The following TSPEAR variants were observed in gnomAD, a reference collection of about 807,000 sequenced individuals.
The protein encoded by TSPEAR is thrombospondin-type laminin G domain and EAR repeat-containing protein.
A neutral mutation model predicts 71.6 loss-of-function variants in TSPEAR; 69 were observed. The ratio of observed to expected loss-of-function variants is 0.96; its 90% CI spans 0.79 to 1.18. The LOEUF is 1.18. Among genes scored for constraint, TSPEAR ranks in the 50% most tolerant of loss-of-function variants. The probability of loss-of-function intolerance (pLI) is 0.00; values close to 1 mark genes in which losing one functional copy is unlikely to be tolerated. For missense variants in TSPEAR, 971 were observed against 894.9 expected (o/e 1.09, Z -1.09); for synonymous variants, 402 against 387.2 (o/e 1.04, Z -0.45).
At chr21:44,624,809 TAAATGC>T (rs587714042) in intron 1 of TSPEAR, among the ~76,000 whole-genome samples, 2 of 152,306 alleles carry the variant, frequency 1.3e-5, no homozygotes, top group East Asian at 3.9e-4. Context: ...TGTGAATCAG[TAAATGC>T]CTCAATAAGA....
intron 1 of TSPEAR, among the ~76,000 whole-genome samples, chr21:44,571,228 G>A (rs1054255640): frequency 1.6e-4 from 25 of 152,168 alleles, no homozygotes; most frequent in Non-Finnish European, 2.9e-4. Context: ...AGGACAATAC[G>A]TTGTAGAGAT....
chr21:44,591,119 A>C, intron 1 of TSPEAR: 1 of 584,608 alleles, frequency 1.7e-6, no homozygotes, highest in Admixed American at 3.0e-5. Flanking sequence ...TGTGAGACAG[A>C]GGCGGCTTTA....
intron 2 of TSPEAR, chr21:44,557,905 A>C: frequency 1.0e-6 from 1 of 960,290 alleles, no homozygotes. Flanking sequence ...GCATGCCTGG[A>C]GGGAATCGGC....
At chr21:44,699,961 T>C (rs1353174588) in intron 1 of TSPEAR, among the ~76,000 whole-genome samples, 1 of 152,122 alleles carries the variant, frequency 6.6e-6, no homozygotes, top group Non-Finnish European at 1.5e-5. Flanking sequence ...CCAGATATCT[T>C]TGGGGTCTGC....
At chr21:44,616,493 C>G (rs1982104727) in intron 1 of TSPEAR, among the ~76,000 whole-genome samples, 1 of 151,348 alleles carries the variant, frequency 6.6e-6, no homozygotes, top group Admixed American at 6.6e-5. Flanking sequence ...CCCTGGTTCC[C>G]CAGTCCCTCA....
intron 1 of TSPEAR, chr21:44,601,206 C>T (rs1354675714): frequency 6.2e-7 from 1 of 1,602,362 alleles, no homozygotes; most frequent in Non-Finnish European, 8.5e-7. Flanking sequence ...AGCCCAGCCC[C>T]TGCCAATCAG....
At chr21:44,702,312 G>C (rs571661403) in intron 1 of TSPEAR, 3 of 1,609,674 alleles carry the variant, frequency 1.9e-6, no homozygotes, top group African/African-American at 2.7e-5. Flanking sequence ...GCTGTGCCCC[G>C]GCCCCCTGCC....
At chr21:44,649,924 C>T (rs937235650) in intron 1 of TSPEAR, among the ~76,000 whole-genome samples, 6 of 152,132 alleles carry the variant, frequency 3.9e-5, no homozygotes, top group African/African-American at 1.4e-4. Context: ...ACAGTGTCCC[C>T]TTAAAAAAAG....
intron 2 of TSPEAR, among the ~76,000 whole-genome samples, chr21:44,537,339 G>A (rs1252616275): frequency 6.6e-6 from 1 of 152,198 alleles, no homozygotes; most frequent in African/African-American, 2.4e-5. Flanking sequence ...AATTAATTGA[G>A]AACAAGCTAG....
intron 9 of TSPEAR, among the ~76,000 whole-genome samples, chr21:44,521,010 G>A (rs1555914180): frequency 6.6e-6 from 1 of 152,212 alleles, no homozygotes; most frequent in Non-Finnish European, 1.5e-5. Context: ...AGTGGCCTGG[G>A]TTAGTCTCAC....
rs1385953063 is a variant in TSPEAR, at chr21:44,687,571, A to C, written c.82+23862T>G. 6.6e-6 allele frequency among the ~76,000 whole-genome samples: 1 copy of C among 152,180 alleles called. No homozygotes were observed. The highest frequency in any genetic ancestry group is 1.5e-5 in the Non-Finnish European group (1 of 68,028). On this transcript the variant is annotated intron_variant, in intron 1 of 11. Coordinates refer to ENST00000323084, the MANE Select transcript of TSPEAR (RefSeq NM_144991.3). This position sits in a 1 kb window ranked among gnomAD's most constrained non-coding sequence, Gnocchi z 4.4. ...TGACTCCATCTGAATGAGTTCTAAA[A>C]CAAGGAGAACCAATTCATGCTTTAA...
At chr21:44,568,937 C>A (rs375292859) in intron 1 of TSPEAR, among the ~76,000 whole-genome samples, 2 of 152,144 alleles carry the variant, frequency 1.3e-5, no homozygotes, top group African/African-American at 2.4e-5. Context: ...CCATCCTGGC[C>A]GGCATTGTGT....
At chr21:44,516,979 C>T (rs1260063877) in intron 9 of TSPEAR, among the ~76,000 whole-genome samples, 4 of 152,304 alleles carry the variant, frequency 2.6e-5, no homozygotes, top group East Asian at 1.9e-4. Flanking sequence ...CTGGGGCTTT[C>T]GGTCCTGTCC....
chr21:44,628,219 C>G lies in TSPEAR; in HGVS notation c.83-60214G>C, dbSNP rs587666529. On this transcript the variant is annotated intron_variant, in intron 1 of 11. Coordinates refer to ENST00000323084, the MANE Select transcript of TSPEAR (RefSeq NM_144991.3). Reference sequence around the variant, plus strand: ...TCACTGGCTCCTCCCTGACCTCCCCCCCGGGCAGGCGAGCCCTGGCTTCTC... The same window carrying G: ...TCACTGGCTCCTCCCTGACCTCCCCGCCGGGCAGGCGAGCCCTGGCTTCTC... The G allele has an allele frequency of 5.0e-3, 3,771 of 761,016 alleles. 51 individuals are homozygous for G. The highest frequency in any genetic ancestry group is 0.026 in the African/African-American group (1,421 of 54,658). 47.1% of individuals were successfully genotyped at this position (761,016 alleles called of 1,614,324 possible).
chr21:44,614,251 G>A (rs1981921550), intron 1 of TSPEAR, among the ~76,000 whole-genome samples: 1 of 152,264 alleles, frequency 6.6e-6, no homozygotes, highest in Non-Finnish European at 1.5e-5. Flanking sequence ...CACACGGTCT[G>A]AGCTGGGGAT....
At chr21:44,675,776 A>C in intron 1 of TSPEAR, 1 of 540,866 alleles carries the variant, frequency 1.8e-6, no homozygotes, top group Non-Finnish European at 3.3e-6. Flanking sequence ...GCTCATGTCT[A>C]GACAATTCTG....
rs587677446 is a variant in TSPEAR at position 44,627,472 on chromosome 21, G to A, written c.83-59467C>T. On this transcript the variant is annotated intron_variant, in intron 1 of 11. Coordinates refer to ENST00000323084, the MANE Select transcript of TSPEAR (RefSeq NM_144991.3). ...CTCCCCCTGCCAGCAGGCCTGCTGC[G>A]TGCCCGTCTGCTGCAAGCCTGTGTG... is the stretch of plus-strand genomic sequence containing the variant. 1.8e-4 allele frequency: 281 copies of A among 1,542,574 alleles called. 2 individuals are homozygous for A. The highest frequency in any genetic ancestry group is 6.9e-4 in the Admixed American group (33 of 48,006).
chr21:44,537,183 G>A (rs587692630), intron 2 of TSPEAR, among the ~76,000 whole-genome samples: 5 of 151,940 alleles, frequency 3.3e-5, no homozygotes, highest in East Asian at 1.9e-4. Flanking sequence ...AAAATTAATC[G>A]AGAACAAGCT....
chr21:44,540,936 A>G (rs1641205267), intron 2 of TSPEAR, among the ~76,000 whole-genome samples: 2 of 152,194 alleles, frequency 1.3e-5, no homozygotes, highest in African/African-American at 4.8e-5. Flanking sequence ...ATGTGCTTCA[A>G]CCATAGATAA....
Sources: gnomAD v4.1 joint callset for allele counts (sites outside exome capture counted in the v4.1 genomes callset) on GRCh38, gnomAD v4.1.1 for gene constraint, Gnocchi (gnomAD v3.1) non-coding constraint, MANE v1.5 for transcripts, NCBI Gene and HGNC (gene_info 2026-07-23, HGNC 2026-07-21) for gene names.